ERC2: variants seen among roughly 807,000 people sequenced by gnomAD.
The protein encoded by ERC2 is ELKS/RAB6-interacting/CAST family member 2.
A neutral mutation model predicts 114.8 loss-of-function variants in ERC2; 42 were observed. That is an observed-to-expected ratio of 0.37 (90% confidence interval 0.29 to 0.47). The LOEUF (loss-of-function observed/expected upper bound fraction) is 0.47, where lower values mean the gene tolerates loss of function less well. Ranked by LOEUF, ERC2 falls within the 20% of genes least tolerant of loss-of-function variation. ERC2 has a pLI of 0.99. For missense variants in ERC2, 939 were observed against 1,150.7 expected (o/e 0.82, Z 2.66); for synonymous variants, 454 against 425.5 (o/e 1.07, Z -0.82).
At chr3:56,203,358 G>C (rs897566621) in intron 3 of ERC2, among the ~76,000 whole-genome samples, 32 of 152,116 alleles carry the variant, frequency 2.1e-4, no homozygotes, top group African/African-American at 7.5e-4. Context: ...TTTGTAGTTC[G>C]TGACCTTTGG....
chr3:55,764,465 A>G (rs2067645942), intron 14 of ERC2, among the ~76,000 whole-genome samples: 1 of 152,212 alleles, frequency 6.6e-6, no homozygotes, highest in Non-Finnish European at 1.5e-5. Context: ...CCCAGTCCCC[A>G]GCCCAGATCC....
intron 3 of ERC2, among the ~76,000 whole-genome samples, chr3:56,259,485 A>T (rs1006801637): frequency 4.6e-5 from 7 of 152,138 alleles, no homozygotes; most frequent in Non-Finnish European, 7.3e-5. Flanking sequence ...ATTGAGCAGA[A>T]TCAAAAAAGT....
chr3:55,582,625 G>C (rs983597784), intron 17 of ERC2, among the ~76,000 whole-genome samples: 2 of 152,172 alleles, frequency 1.3e-5, no homozygotes, highest in African/African-American at 4.8e-5. Flanking sequence ...GACTGCCTTT[G>C]TATCATATCA....
intron 15 of ERC2, among the ~76,000 whole-genome samples, chr3:55,720,239 T>TTCTCTCTC (rs1285257457): frequency 5.0e-4 from 6 of 12,054 alleles, no homozygotes; most frequent in African/African-American, 7.6e-4. Context: ...CTTCTTCTTC[T>TTCTCTCTC]TCTCTCTCTC....
intron 17 of ERC2, among the ~76,000 whole-genome samples, chr3:55,582,153 G>A (rs1488950250): frequency 6.6e-6 from 1 of 152,100 alleles, no homozygotes; most frequent in African/African-American, 2.4e-5. Flanking sequence ...ATTCCTCGTG[G>A]CTAGACTAGA....
intron 14 of ERC2, among the ~76,000 whole-genome samples, chr3:55,880,520 G>A (rs1458294553): frequency 6.6e-6 from 1 of 152,082 alleles, no homozygotes; most frequent in African/African-American, 2.4e-5. Context: ...AACCAAAATT[G>A]GTTTTGAATG....
intron 1 of ERC2, among the ~76,000 whole-genome samples, chr3:56,439,287 A>T (rs924293426): frequency 3.3e-5 from 5 of 152,280 alleles, no homozygotes; most frequent in African/African-American, 7.2e-5. Flanking sequence ...TCTAAAAAAA[A>T]TTTTTAAATT....
chr3:56,325,505 C>A (rs920055578), intron 2 of ERC2, among the ~76,000 whole-genome samples: 6 of 151,942 alleles, frequency 3.9e-5, no homozygotes, highest in Non-Finnish European at 7.4e-5. Context: ...CACAACACAA[C>A]CAGGAGATAG....
chr3:56,168,254 C>T (rs1034897274), intron 4 of ERC2, among the ~76,000 whole-genome samples: 2 of 152,118 alleles, frequency 1.3e-5, no homozygotes, highest in African/African-American at 4.8e-5. Flanking sequence ...AGTGCTGTAG[C>T]CCTTATGTGT....
chr3:55,523,375 A>T (rs533334221), intron 17 of ERC2, among the ~76,000 whole-genome samples: 1 of 152,364 alleles, frequency 6.6e-6, no homozygotes, highest in East Asian at 1.9e-4. Flanking sequence ...TGGAGGAGGC[A>T]CATGGCTGGG....
intron 13 of ERC2, among the ~76,000 whole-genome samples, chr3:55,949,836 T>C (rs1161522258): frequency 6.6e-6 from 1 of 152,224 alleles, no homozygotes; most frequent in Admixed American, 6.5e-5. Flanking sequence ...TGGGGAGCAC[T>C]CCTTGGCCAA....
chr3:55,559,587 A>G (rs570239830), intron 17 of ERC2, among the ~76,000 whole-genome samples: 172 of 152,310 alleles, frequency 1.1e-3, no homozygotes, highest in East Asian at 3.1e-3. Context: ...GAAGTCCCCA[A>G]TGGATGGGGC....
chr3:55,997,024 C>A (rs779946055), intron 10 of ERC2, among the ~76,000 whole-genome samples: 2 of 152,130 alleles, frequency 1.3e-5, no homozygotes, highest in Non-Finnish European at 2.9e-5. Context: ...CAATCCAGAT[C>A]CCTAGAAAGG....
At chr3:55,836,586 C>T (rs2060895464) in intron 14 of ERC2, among the ~76,000 whole-genome samples, 1 of 152,108 alleles carries the variant, frequency 6.6e-6, no homozygotes, top group South Asian at 2.1e-4. Flanking sequence ...TTCCTTACAC[C>T]TTATACCAAA....
At chr3:55,691,045 T>A (rs959976061) in intron 16 of ERC2, among the ~76,000 whole-genome samples, 3 of 152,218 alleles carry the variant, frequency 2.0e-5, no homozygotes, top group Non-Finnish European at 4.4e-5. Flanking sequence ...TCTTTACCTG[T>A]GGCCTCACAG....
At chr3:55,700,304 GA>G (rs1294688746) in intron 15 of ERC2, among the ~76,000 whole-genome samples, 1 of 152,158 alleles carries the variant, frequency 6.6e-6, no homozygotes, top group East Asian at 1.9e-4. Context: ...AAGACCACGG[GA>G]AAAAAGCAGA....
chr3:55,908,666 C>T (rs2064614677), intron 13 of ERC2, among the ~76,000 whole-genome samples: 1 of 152,106 alleles, frequency 6.6e-6, no homozygotes, highest in African/African-American at 2.4e-5. Context: ...GTTTTCCTTG[C>T]TATAAACTGA....
At chr3:55,642,791 A>G (rs555905028) in intron 17 of ERC2, among the ~76,000 whole-genome samples, 4 of 152,306 alleles carry the variant, frequency 2.6e-5, no homozygotes, top group East Asian at 3.9e-4. Flanking sequence ...TTCACATTGT[A>G]TATGGATTTA....
intron 13 of ERC2, among the ~76,000 whole-genome samples, chr3:55,900,512 A>C (rs1347310560): frequency 2.6e-5 from 4 of 152,178 alleles, no homozygotes; most frequent in Admixed American, 2.6e-4. Flanking sequence ...AAGGAGAAGA[A>C]AATGGGTTTC....
Sources: gnomAD v4.1 joint callset for allele counts (sites outside exome capture counted in the v4.1 genomes callset) on GRCh38, gnomAD v4.1.1 for gene constraint, MANE v1.5 for transcripts, NCBI Gene and HGNC (gene_info 2026-07-23, HGNC 2026-07-21) for gene names.